The following ZNF726 variants were observed in gnomAD, a reference collection of about 807,000 sequenced individuals.
The protein encoded by ZNF726 is zinc finger protein 92 pseudogene 3.
In ZNF726, 15 loss-of-function variants were observed where a neutral mutation model predicts 11.6. That is an observed-to-expected ratio of 1.29 (90% CI 0.86 to 1.99). The LOEUF (loss-of-function observed/expected upper bound fraction) is 1.99, where lower values mean the gene tolerates loss of function less well. Among genes scored for constraint, ZNF726 ranks in the 30% most tolerant of loss-of-function variants. The pLI is 0.00. For synonymous variants in ZNF726, 295 were observed against 243.6 expected, an observed-to-expected ratio of 1.21 and a Z score of -1.96; for missense variants, 890 against 725.6, an observed-to-expected ratio of 1.23 and a Z score of -2.60.
intron 3 of ZNF726, among the ~76,000 whole-genome samples, chr19:23,926,645 C>T (rs573490585): frequency 3.3e-5 from 5 of 150,628 alleles, no homozygotes; most frequent in South Asian, 4.2e-4. Context: ...GAGAAATAAT[C>T]GAACTTCATT....
intron 3 of ZNF726, chr19:23,928,142 T>C (rs1016765627): frequency 6.6e-6 from 1 of 152,218 alleles, no homozygotes; most frequent in African/African-American, 2.4e-5. Context: ...TCTCTCATCA[T>C]GTAATATGTG....
intron 3 of ZNF726, 88 bp downstream of exon 3, chr19:23,920,170 C>A: frequency 1.1e-6 from 1 of 939,862 alleles, no homozygotes. Context: ...TGGAAAGCTG[C>A]ATTCCAAAGG....
chr19:23,916,063 C>T (rs1967690625), intron 1 of ZNF726, among the ~76,000 whole-genome samples: 1 of 152,056 alleles, frequency 6.6e-6, no homozygotes, highest in Non-Finnish European at 1.5e-5. Flanking sequence ...GGACTAGAGC[C>T]ACCTCAATCT....
intron 3 of ZNF726, among the ~76,000 whole-genome samples, chr19:23,922,110 G>C (rs1223845066): frequency 6.6e-6 from 1 of 152,184 alleles, no homozygotes; most frequent in Non-Finnish European, 1.5e-5. Flanking sequence ...TTGCACAAGG[G>C]TCCACTTTTA....
chr19:23,930,605 T>C (rs1464907640), intron 3 of ZNF726, among the ~76,000 whole-genome samples: 1 of 152,148 alleles, frequency 6.6e-6, no homozygotes, highest in Non-Finnish European at 1.5e-5. Flanking sequence ...ATCCTTGTAT[T>C]TTTTTAATAA....
At chr19:23,937,282 G>T (rs1031689198), downstream of ZNF726, among the ~76,000 whole-genome samples, 2 of 151,544 alleles carry the variant, frequency 1.3e-5, no homozygotes, top group Admixed American at 1.3e-4. Context: ...CGGGCGGGGG[G>T]CTGACCCCCC....
chr19:23,937,090 ACCC>A (rs538947603), downstream of ZNF726, among the ~76,000 whole-genome samples: 7 of 135,882 alleles, frequency 5.2e-5, no homozygotes, highest in African/African-American at 2.0e-4. Flanking sequence ...CGGGGGGCTG[ACCC>A]CCCCCACCTC....
At chr19:23,937,682 C>T (rs914638650), downstream of ZNF726, among the ~76,000 whole-genome samples, 8 of 151,962 alleles carry the variant, frequency 5.3e-5, no homozygotes, top group African/African-American at 1.7e-4. Flanking sequence ...GGCAGAGGGG[C>T]TCCTCACATC....
intron 3 of ZNF726, among the ~76,000 whole-genome samples, chr19:23,926,837 TG>T (rs1271202228): frequency 6.6e-6 from 1 of 152,142 alleles, no homozygotes; most frequent in Non-Finnish European, 1.5e-5. Context: ...AAATTGTTTT[TG>T]TTATTGTTGA....
downstream of ZNF726, among the ~76,000 whole-genome samples, chr19:23,937,675 A>G (rs1351281819): frequency 1.3e-5 from 2 of 151,748 alleles, no homozygotes; most frequent in African/African-American, 2.4e-5. Context: ...GCAGCCAGGC[A>G]GAGGGGCTCC....
chr19:23,926,000 C>T (rs867717454), intron 3 of ZNF726, among the ~76,000 whole-genome samples: 32 of 152,006 alleles, frequency 2.1e-4, no homozygotes, highest in African/African-American at 5.1e-4. Flanking sequence ...CAGGTGTGAG[C>T]CACCACGCCC....
At chr19:23,937,807 A>C (rs1198182725), downstream of ZNF726, among the ~76,000 whole-genome samples, 1 of 152,196 alleles carries the variant, frequency 6.6e-6, no homozygotes, top group African/African-American at 2.4e-5. Flanking sequence ...TGGGAGGTGG[A>C]GGTTGTAGCA....
chr19:23,934,036 G>C lies in ZNF726; in HGVS notation c.*69G>C. On this transcript the variant is annotated 3_prime_UTR_variant, in exon 4 of 4. Transcript: ENST00000594466. ...TGGTCCTCAACGCTAAACATAAGAG[G>C]ATGCACACTGGAGAGAAACCCTACA... is the stretch of plus-strand genomic sequence containing the variant. 13 of 1,522,492 alleles carry C rather than the reference G, an allele frequency of 8.5e-6. No homozygotes were observed. Among genetic ancestry groups the C allele is most frequent in the Non-Finnish European group, 1.2e-5 (13 of 1,103,390 alleles). 94.3% of individuals were successfully genotyped at this position (1,522,492 alleles called of 1,614,324 possible).
At chr19:23,924,096 G>C (rs1173993063) in intron 3 of ZNF726, among the ~76,000 whole-genome samples, 1 of 151,024 alleles carries the variant, frequency 6.6e-6, no homozygotes, top group Non-Finnish European at 1.5e-5. Flanking sequence ...CGAGGCTGAA[G>C]TGTAATGCAC....
At chr19:23,934,766 A>T (rs1332235757), downstream of ZNF726, among the ~76,000 whole-genome samples, 2 of 152,206 alleles carry the variant, frequency 1.3e-5, no homozygotes, top group African/African-American at 4.8e-5. Context: ...AATGTGGGGA[A>T]AAGGCTCCCT....
chr19:23,933,141 A>T lies in ZNF726; in HGVS notation c.1025A>T (p.Lys342Ile). ...CTGCACAGTGGAGAGAAACCCTACA[A>T]ATGTGAAGAATGTGCCAAAGCTTTT... ...KRLHSGEKPY[K>I]CEECAKAFSQ... Residue 342 changes from lysine (K) to isoleucine (I), a missense_variant, in exon 4 of 4, where the codon AAA becomes ATA. By Grantham distance (102) the Lys-to-Ile change is moderately radical. Transcript: ENST00000594466. 6.2e-7 allele frequency: 1 copy of T among 1,600,704 alleles called. No homozygotes were observed. The highest frequency in any genetic ancestry group is 1.1e-5 in the South Asian group (1 of 88,950).
In ZNF726 at chr19:23,933,438, C is replaced by G. The variant is rs1265154021; in HGVS notation, c.1322C>G (p.Thr441Ser). 6.2e-7 allele frequency: 1 copy of G among 1,611,780 alleles called. No individual in the cohort carries two copies. The highest frequency in any genetic ancestry group is 1.3e-5 in the African/African-American group (1 of 74,688). ...GCGTTTATATGGTCCTCAAACCTTA[C>G]TGAACATAAGAAAATTCATACTAGA... is the stretch of plus-strand genomic sequence containing the variant. ...GKAFIWSSNL[T>S]EHKKIHTREK... Residue 441 changes from threonine (T) to serine (S), a missense_variant, in exon 4 of 4, where the codon ACT becomes AGT. Transcript: ENST00000594466.
At chr19:23,938,081 A>G (rs1968276316), downstream of ZNF726, among the ~76,000 whole-genome samples, 1 of 152,220 alleles carries the variant, frequency 6.6e-6, no homozygotes, top group Non-Finnish European at 1.5e-5. Context: ...GTAACAATAC[A>G]CTATTTGGTA....
At chr19:23,915,517 C>A (rs1967675987) in intron 1 of ZNF726, among the ~76,000 whole-genome samples, 1 of 152,042 alleles carries the variant, frequency 6.6e-6, no homozygotes, top group Non-Finnish European at 1.5e-5. Context: ...ATCATAAAAC[C>A]AAATTCCGTA....
Sources: gnomAD v4.1 joint callset for allele counts (sites outside exome capture counted in the v4.1 genomes callset) on GRCh38, gnomAD v4.1.1 for gene constraint, MANE v1.5 for transcripts, NCBI Gene and HGNC (gene_info 2026-07-23, HGNC 2026-07-21) for gene names.